TRAPPC11: variants seen among roughly 807,000 people sequenced by gnomAD.
TRAPPC11 encodes the protein foie gras homolog.
A neutral mutation model predicts 151.2 loss-of-function variants in TRAPPC11; 104 were observed. The observed-to-expected ratio is 0.69, with a 90% CI of 0.59 to 0.81. The LOEUF (loss-of-function observed/expected upper bound fraction) is 0.81. TRAPPC11 is among the 30% of genes least tolerant of loss of function. The pLI is 0.00. For missense variants in TRAPPC11, 1,230 were observed against 1,349.6 expected (o/e 0.91, Z 1.39); for synonymous variants, 456 against 472.3 (o/e 0.97, Z 0.45).
chr4:183,686,707 C>A lies in TRAPPC11; in HGVS notation c.1852C>A (p.Pro618Thr). The A allele has an allele frequency of 6.2e-7, 1 of 1,614,048 alleles. No individual in the cohort carries two copies. Among genetic ancestry groups the A allele is most frequent in the Non-Finnish European group, 8.5e-7 (1 of 1,179,968 alleles). Residue 618 changes from proline (P) to threonine (T), a missense_variant, in exon 18 of 30, where the codon CCC becomes ACC. Pro to Thr is a conservative substitution (Grantham distance 38, BLOSUM62 -1). Transcript: ENST00000334690. ...TTATCTGAAGGCTGATTGTCCACAT[C>A]CCATTAGGTTTTCCAAGCTCTGTGT... is the stretch of plus-strand genomic sequence containing the variant. ...DIYLKADCPH[P>T]IRFSKLCVSF...
intron 5 of TRAPPC11, among the ~76,000 whole-genome samples, chr4:183,670,720 C>T (rs1257534150): frequency 2.0e-5 from 3 of 152,296 alleles, no homozygotes; most frequent in South Asian, 2.1e-4. Context: ...ATTCTCCTCC[C>T]TCACCCTCCT....
At chr4:183,668,421 G>T (rs536083962) in intron 5 of TRAPPC11, among the ~76,000 whole-genome samples, 40 of 152,194 alleles carry the variant, frequency 2.6e-4, no homozygotes, top group Non-Finnish European at 1.6e-4. Flanking sequence ...ACATAAATGT[G>T]CTCATATGAT....
chr4:183,664,227 G>A (rs1435900055), intron 2 of TRAPPC11, among the ~76,000 whole-genome samples, 156 bp downstream of exon 2: 1 of 152,056 alleles, frequency 6.6e-6, no homozygotes, highest in East Asian at 1.9e-4. Flanking sequence ...TACACTGCAT[G>A]TATATTTAAT....
rs774073046 is a variant in TRAPPC11 at position 183,684,140 on chromosome 4, A to G, written c.1288-5A>G. 77 of 1,612,682 alleles carry G rather than the reference A, an allele frequency of 4.8e-5. No homozygotes were observed. In the Middle Eastern group the frequency reaches 2.5e-3, roughly 52 times the overall value. ...AAATGTTTCACACTCTACTTTTTCT[A>G]ATAGGAGATAATCATAACTCTTCTG... On this transcript the variant is annotated splice_region_variant and splice_polypyrimidine_tract_variant and intron_variant, in intron 12 of 29. Coordinates refer to ENST00000334690, the MANE Select transcript of TRAPPC11 (RefSeq NM_021942.6).
intron 1 of TRAPPC11, among the ~76,000 whole-genome samples, chr4:183,659,671 A>G (rs1419085861): frequency 6.6e-6 from 1 of 152,220 alleles, no homozygotes; most frequent in Non-Finnish European, 1.5e-5. Flanking sequence ...AGGGACTGCA[A>G]GGTTATTTCT....
At chr4:183,711,479 G>T (rs1561068648) in intron 29 of TRAPPC11, among the ~76,000 whole-genome samples, 1 of 152,104 alleles carries the variant, frequency 6.6e-6, no homozygotes. Flanking sequence ...ATTTGGCAGG[G>T]ATTTCACTAG....
Position 183,664,007 on chromosome 4 carries a change from A to C in TRAPPC11, c.140A>C (p.Asp47Ala). The C allele has an allele frequency of 6.2e-7, 1 of 1,613,946 alleles. No individual in the cohort carries two copies. Among genetic ancestry groups the C allele is most frequent in the African/African-American group, 1.3e-5 (1 of 75,012 alleles). ...WDAFCANRRA[D>A]RVPISFKVLP... Reference sequence around the variant, plus strand: ...GCCTTCTGTGCAAATCGGAGAGCTGATCGAGTACCAATTTCTTTCAAGGTG... The same window carrying C: ...GCCTTCTGTGCAAATCGGAGAGCTGCTCGAGTACCAATTTCTTTCAAGGTG... The change falls in exon 2 of 30, where the codon GAT becomes GCT. Residue 47 changes from aspartate (D) to alanine (A), a missense_variant. By Grantham distance (126) the Asp-to-Ala change is moderately radical. Coordinates refer to ENST00000334690, the MANE Select transcript of TRAPPC11 (RefSeq NM_021942.6).
At chr4:183,667,969 A>T (rs751818611) in intron 4 of TRAPPC11, 34 bp from the exon 5 acceptor site, 32 of 1,286,360 alleles carry the variant, frequency 2.5e-5, no homozygotes, top group Non-Finnish European at 3.5e-5. Flanking sequence ...TAGTTATTTT[A>T]TTTCTCATTC....
At position 183,693,742 on chromosome 4, in the gene TRAPPC11, G is replaced by C; in HGVS notation, c.2386+5G>C. The C allele has an allele frequency of 6.2e-7, 1 of 1,612,542 alleles. No homozygotes were observed. Among genetic ancestry groups the C allele is most frequent in the Non-Finnish European group, 8.5e-7 (1 of 1,179,546 alleles). ...TCACCGCTGGCTTAAAACCAGGTAA[G>C]CATTCCTTTTTGTAAGTTTGATCAG... On this transcript the variant is annotated splice_donor_5th_base_variant and intron_variant, in intron 21 of 29. Coordinates refer to ENST00000334690, the MANE Select transcript of TRAPPC11 (RefSeq NM_021942.6).
At chr4:183,676,191 C>G (rs1315510375) in intron 7 of TRAPPC11, among the ~76,000 whole-genome samples, 1 of 151,798 alleles carries the variant, frequency 6.6e-6, no homozygotes, top group Admixed American at 6.6e-5. Flanking sequence ...CTCTTGTTGC[C>G]CAGGCTGGAG....
intron 5 of TRAPPC11, among the ~76,000 whole-genome samples, chr4:183,673,075 G>A (rs1735234846): frequency 6.7e-6 from 1 of 149,618 alleles, no homozygotes; most frequent in Admixed American, 6.8e-5. Context: ...CCATTCTCCT[G>A]CCTCAGCCTC....
intron 28 of TRAPPC11, 55 bp from the exon 29 acceptor site, chr4:183,708,352 G>C: frequency 6.5e-7 from 1 of 1,532,040 alleles, no homozygotes; most frequent in African/African-American, 1.4e-5. Flanking sequence ...ACAACATATA[G>C]ATATTGCACA....
chr4:183,673,298 C>G (rs2111325989), intron 5 of TRAPPC11, among the ~76,000 whole-genome samples: 1 of 152,234 alleles, frequency 6.6e-6, no homozygotes, highest in East Asian at 1.9e-4. Context: ...TTAATACATT[C>G]CTTCACACAT....
At chr4:183,703,253 A>G (rs1343973154) in intron 26 of TRAPPC11, among the ~76,000 whole-genome samples, 1 of 152,230 alleles carries the variant, frequency 6.6e-6, no homozygotes, top group Non-Finnish European at 1.5e-5. Context: ...AAAATCAGTG[A>G]GAACCCTAAA....
chr4:183,702,157 A>C (rs1228974261), intron 26 of TRAPPC11, among the ~76,000 whole-genome samples: 1 of 152,170 alleles, frequency 6.6e-6, no homozygotes, highest in Non-Finnish European at 1.5e-5. Flanking sequence ...CAGCCTGGGC[A>C]ACATGGTGAA....
intron 5 of TRAPPC11, among the ~76,000 whole-genome samples, chr4:183,671,710 A>G (rs1735167028): frequency 6.6e-6 from 1 of 152,212 alleles, no homozygotes; most frequent in Admixed American, 6.5e-5. Context: ...CTTTCCTGGA[A>G]TCGGTGCTCG....
At chr4:183,699,883 G>A (rs1255857968) in intron 25 of TRAPPC11, among the ~76,000 whole-genome samples, 3 of 151,692 alleles carry the variant, frequency 2.0e-5, no homozygotes, top group Non-Finnish European at 2.9e-5. Flanking sequence ...GGAGTGCAGT[G>A]GCACGATCTC....
intron 10 of TRAPPC11, among the ~76,000 whole-genome samples, chr4:183,681,772 C>A (rs77812877): frequency 1.3e-3 from 159 of 122,490 alleles, no homozygotes; most frequent in African/African-American, 1.7e-3. Flanking sequence ...AACTCTGTCT[C>A]AAAAAGAAAA....
chr4:183,663,567 C>T (rs1479831502), intron 1 of TRAPPC11, among the ~76,000 whole-genome samples: 4 of 152,094 alleles, frequency 2.6e-5, no homozygotes, highest in Non-Finnish European at 5.9e-5. Flanking sequence ...CAAGGTTTCA[C>T]TGTGTTGGCT....
Sources: gnomAD v4.1 joint callset for allele counts (sites outside exome capture counted in the v4.1 genomes callset) on GRCh38, gnomAD v4.1.1 for gene constraint, MANE v1.5 for transcripts, NCBI Gene and HGNC (gene_info 2026-07-23, HGNC 2026-07-21) for gene names.